PLA2G4B: variants seen among roughly 807,000 people sequenced by gnomAD.
The protein encoded by PLA2G4B is cytosolic phospholipase A2 beta.
PLA2G4B carries 122 observed loss-of-function variants against 95.8 expected under a neutral mutation model. That is an observed-to-expected ratio of 1.27 (90% confidence interval 1.10 to 1.48). The LOEUF (loss-of-function observed/expected upper bound fraction) is 1.48. PLA2G4B is among the 40% of genes most tolerant of loss of function. The probability of loss-of-function intolerance (pLI) is 0.00; values close to 1 mark genes in which losing one functional copy is unlikely to be tolerated. For synonymous variants in PLA2G4B, 518 were observed against 421.5 expected (o/e 1.23, Z -2.80); for missense variants, 1,158 against 996.2 (o/e 1.16, Z -2.19).
chr15:41,842,671 G>C (rs967908589), intron 10 of PLA2G4B, 80 bp downstream of exon 10: 3 of 1,553,606 alleles, frequency 1.9e-6, no homozygotes, highest in Non-Finnish European at 2.6e-6. Flanking sequence ...GGAGGAGTGA[G>C]GGGGAGAAAC....
At chr15:41,843,587 C>CA (rs941773381) in intron 10 of PLA2G4B, 89 bp from the exon 11 acceptor site, 2 of 1,541,878 alleles carry the variant, frequency 1.3e-6, no homozygotes, top group Non-Finnish European at 8.8e-7. Flanking sequence ...AGAGGGAGGG[C>CA]AGTAGGTATT....
Position 41,841,914 on chromosome 15 carries a change from G to C in PLA2G4B, c.586G>C (p.Ala196Pro). The C allele has an allele frequency of 3.1e-6, 5 of 1,613,226 alleles. No homozygotes were observed. The highest frequency in any genetic ancestry group is 4.2e-6 in the Non-Finnish European group (5 of 1,179,892). Residue 196 changes from alanine to proline, a missense_variant, in exon 8 of 20, where the codon GCC (alanine) becomes CCC (proline). Physicochemically the swap from Ala to Pro is conservative, Grantham distance 27 (BLOSUM62 -1). Transcript: ENST00000458483. ...GTGTFRFHCP[A>P]CWEQELSIRL... Reference sequence around the variant, plus strand: ...TGGCACCTTCCGCTTCCACTGCCCAGCCTGCTGGGAGCAGGAGCTGAGTAT... The same window carrying C: ...TGGCACCTTCCGCTTCCACTGCCCACCCTGCTGGGAGCAGGAGCTGAGTAT...
intron 1 of PLA2G4B, chr15:41,839,200 C>A: frequency 2.9e-6 from 1 of 339,402 alleles, no homozygotes; most frequent in Non-Finnish European, 5.5e-6. Flanking sequence ...CAGCTGCCGC[C>A]CTGAGGCCCT....
chr15:41,844,379 T>C, intron 11 of PLA2G4B, 92 bp from the exon 12 acceptor site: 1 of 1,594,624 alleles, frequency 6.3e-7, no homozygotes, highest in Non-Finnish European at 8.6e-7. Flanking sequence ...AGCTGTGGGC[T>C]GGGTGGCCAC....
In PLA2G4B at chr15:41,844,358, G is replaced by A. The variant is rs977598062; in HGVS notation, c.880-113G>A. On this transcript the variant is annotated intron_variant, in intron 11 of 19. Transcript: ENST00000458483. ...ACTGAGAACTGGTCCCAAGACCTGT[G>A]ATCAGGCCTTAGCTGTGGGCTGGGT... The A allele has an allele frequency of 4.5e-6, 7 of 1,538,946 alleles. No individual in the cohort carries two copies. In the Admixed American group the frequency reaches 8.8e-5, roughly 19 times the overall value.
intron 14 of PLA2G4B, 127 bp downstream of exon 14, chr15:41,845,447 C>G (rs1207956267): frequency 6.9e-7 from 1 of 1,447,372 alleles, no homozygotes; most frequent in Non-Finnish European, 9.3e-7. Context: ...TTTCTGGAGA[C>G]CGGCACCCTA....
At chr15:41,846,141 G>T (rs769015883) in intron 16 of PLA2G4B, 62 bp from the exon 17 acceptor site, 10 of 1,591,548 alleles carry the variant, frequency 6.3e-6, no homozygotes, top group Non-Finnish European at 8.6e-6. Flanking sequence ...CCCCTCCAGG[G>T]TCACCACCAA....
At chr15:41,842,906 G>A in intron 10 of PLA2G4B, 1 of 365,504 alleles carries the variant, frequency 2.7e-6, no homozygotes, top group Non-Finnish European at 4.9e-6. Context: ...AGAGAGGGCA[G>A]GAAAACCAAG....
At chr15:41,846,154 T>TC in intron 16 of PLA2G4B, 49 bp from the exon 17 acceptor site, 1 of 1,596,210 alleles carries the variant, frequency 6.3e-7, no homozygotes, top group South Asian at 1.1e-5. Flanking sequence ...ACCACCAAGG[T>TC]GGGGATAAAG....
rs2065508108 is a variant in PLA2G4B, at chr15:41,844,964, A to T, written c.1133A>T (p.Gln378Leu). ...KNKLGVLAPSQLQRYRQELAE... is the reference protein window; with the variant it reads ...KNKLGVLAPSLLQRYRQELAE... The stretch of plus-strand genomic sequence containing the variant: ...AAGCTGGGTGTGCTGGCCCCCAGCC[A>T]GCTGCAGCGGTACCGGCAGGAGCTG... The change falls in exon 13 of 20, where the codon CAG becomes CTG. Residue 378 changes from glutamine to leucine, a missense_variant. Transcript: ENST00000458483. 3 of 1,611,732 alleles carry T rather than the reference A, an allele frequency of 1.9e-6. No homozygotes were observed. The highest frequency in any genetic ancestry group is 2.5e-6 in the Non-Finnish European group (3 of 1,179,166).
chr15:41,846,016 G>A lies in PLA2G4B; in HGVS notation c.1569G>A (p.Trp523Ter). 6.5e-7 allele frequency: 1 copy of A among 1,537,360 alleles called. No homozygotes were observed. The highest frequency in any genetic ancestry group is 1.3e-5 in the South Asian group (1 of 79,276). Residue 523 changes from tryptophan to a stop codon, truncating the protein, a stop_gained, in exon 16 of 20, where the codon TGG (tryptophan) becomes TGA (stop). Transcript: ENST00000458483. LOFTEE classifies it high-confidence loss of function. ...LYWASEPSQFWDRWVRNQANL... is the reference protein window; with the variant it reads ...LYWASEPSQF ...GGGCCTCAGAGCCCAGCCAGTTCTGGGACCGCTGGGTCAGGAACCAGGCCA... is the reference window on the plus strand; with the variant it reads ...GGGCCTCAGAGCCCAGCCAGTTCTGAGACCGCTGGGTCAGGAACCAGGCCA...
Position 41,843,696 on chromosome 15 carries a change from G to A in PLA2G4B, c.764G>A (p.Arg255Gln), listed in dbSNP as rs773541321. The A allele has an allele frequency of 3.7e-6, 6 of 1,613,656 alleles. No individual in the cohort carries two copies. The highest frequency in any genetic ancestry group is 2.2e-5 in the South Asian group (2 of 91,036). Residue 255 changes from arginine (R) to glutamine (Q), a missense_variant, in exon 11 of 20, where the codon CGA (arginine) becomes CAA (glutamine). Transcript: ENST00000458483. Reference protein sequence around the residue: ...KEAGLRELAVRLGFGPCAEEQ... With the variant: ...KEAGLRELAVQLGFGPCAEEQ... ...GCCAGACTGAGGGAGCTGGCCGTGC[G>A]ACTGGGCTTCGGGCCCTGTGCAGAG...
Position 41,841,445 on chromosome 15 carries a change from A to T in PLA2G4B, c.436-72A>T, listed in dbSNP as rs931040973. Reference sequence around the variant, plus strand: ...AATGAAGTGCAGACCAGCAGCAGCCAGGGTGCTGCGAGGGTGGGGTCCCTG... The same window carrying T: ...AATGAAGTGCAGACCAGCAGCAGCCTGGGTGCTGCGAGGGTGGGGTCCCTG... On this transcript the variant is annotated intron_variant, in intron 6 of 19. Transcript: ENST00000458483. 2.5e-6 allele frequency: 4 copies of T among 1,610,334 alleles called. No homozygotes were observed. The African/African-American group carries it at 5.3e-5, about 22-fold the overall frequency.
In PLA2G4B at chr15:41,847,920, G is replaced by A. The variant is rs2065607929; in HGVS notation, c.*60G>A. The A allele has an allele frequency of 1.3e-6, 2 of 1,555,256 alleles. No individual in the cohort carries two copies. The highest frequency in any genetic ancestry group is 1.7e-6 in the Non-Finnish European group (2 of 1,154,756). On this transcript the variant is annotated 3_prime_UTR_variant, in exon 20 of 20. Coordinates refer to ENST00000458483, the MANE Select transcript of PLA2G4B (RefSeq NM_001114633.2). Reference sequence around the variant, plus strand: ...ATTCCCTGGCTGCTGAGTTGCAGGTGGGAACTGTCATCACGCAGTGCTTCA... The same window carrying A: ...ATTCCCTGGCTGCTGAGTTGCAGGTAGGAACTGTCATCACGCAGTGCTTCA...
chr15:41,847,043 C>G (rs975297011), intron 18 of PLA2G4B, among the ~76,000 whole-genome samples: 1 of 152,200 alleles, frequency 6.6e-6, no homozygotes, highest in South Asian at 2.1e-4. Context: ...GCTGGGTCCC[C>G]TTTACTGACC....
At chr15:41,842,145 G>A (rs1370176362) in intron 8 of PLA2G4B, 48 bp from the exon 9 acceptor site, 6 of 1,609,744 alleles carry the variant, frequency 3.7e-6, no homozygotes, top group Non-Finnish European at 5.1e-6. Flanking sequence ...TCTTTGCTAG[G>A]AGTGGAAGCG....
Position 41,844,822 on chromosome 15 carries a change from C to CTGGCTT in PLA2G4B, c.1017-12_1017-7dup, listed in dbSNP as rs534236778. 1.5e-4 allele frequency: 237 copies of CTGGCTT among 1,579,324 alleles called. 1 individual carries two copies. In the African/African-American group the frequency reaches 2.2e-3, roughly 14 times the overall value. ...GACGGGGTCCTTCAGTGACAGCCCTCTGGCTTTGGCTTTGGCTTTTCCCAG... is the reference window on the plus strand; with the variant it reads ...GACGGGGTCCTTCAGTGACAGCCCTCTGGCTTTGGCTTTGGCTTTGGCTTTTCCCAG... On this transcript the variant is annotated intron_variant, in intron 12 of 19. Coordinates refer to ENST00000458483, the MANE Select transcript of PLA2G4B (RefSeq NM_001114633.2).
chr15:41,846,553 C>T, intron 17 of PLA2G4B, 116 bp from the exon 18 acceptor site: 1 of 1,509,536 alleles, frequency 6.6e-7, no homozygotes, highest in South Asian at 1.3e-5. Context: ...ACCTGCAGGG[C>T]TGTGGGGGTG....
Position 41,844,620 on chromosome 15 carries a change from C to A in PLA2G4B, c.1016+13C>A. The A allele has an allele frequency of 1.9e-6, 3 of 1,613,974 alleles. No individual in the cohort carries two copies. Among genetic ancestry groups the A allele is most frequent in the African/African-American group, 1.3e-5 (1 of 75,040 alleles). ...CGGGCTCCACCTGGTGAGCTGGGGGCAGGCTGATGCTGGACCCTGTGTGGC... is the reference window on the plus strand; with the variant it reads ...CGGGCTCCACCTGGTGAGCTGGGGGAAGGCTGATGCTGGACCCTGTGTGGC... On this transcript the variant is annotated intron_variant, in intron 12 of 19. Transcript: ENST00000458483.
Sources: gnomAD v4.1 joint callset for allele counts (sites outside exome capture counted in the v4.1 genomes callset) on GRCh38, gnomAD v4.1.1 for gene constraint, MANE v1.5 for transcripts, NCBI Gene and HGNC (gene_info 2026-07-23, HGNC 2026-07-21) for gene names.